Variants in LAMP3 observed in about 807,000 individuals in gnomAD.
The protein encoded by LAMP3 is lysosome associated membrane protein 3.
LAMP3 carries 26 observed loss-of-function variants against 34.8 expected under a neutral mutation model. The ratio of observed to expected loss-of-function variants is 0.75; its 90% CI spans 0.55 to 1.04. The LOEUF is 1.04. Ranked by LOEUF, LAMP3 falls within the 50% of genes least tolerant of loss-of-function variation. LAMP3 has a pLI of 0.00. For synonymous variants in LAMP3, 180 were observed against 201.9 expected (o/e 0.89, Z 0.92); for missense variants, 495 against 524.0 (o/e 0.94, Z 0.54).
rs532943707 is a variant in LAMP3, at chr3:183,156,307, G to A, written c.50-1916C>T. 2.6e-5 allele frequency among the ~76,000 whole-genome samples: 4 copies of A among 152,318 alleles called. No homozygotes were observed. In the South Asian group the frequency reaches 8.3e-4, roughly 32 times the overall value. On this transcript the variant is annotated intron_variant, in intron 1 of 5. Transcript: ENST00000265598. ...ACCCGGGAGGCTGAGGTTGCAGTGAGTTGAGATCATGCCATTGCACTCTAG... is the reference window on the plus strand; with the variant it reads ...ACCCGGGAGGCTGAGGTTGCAGTGAATTGAGATCATGCCATTGCACTCTAG...
chr3:183,135,053 G>T (rs768512735), intron 5 of LAMP3, among the ~76,000 whole-genome samples: 2 of 152,214 alleles, frequency 1.3e-5, no homozygotes, highest in Non-Finnish European at 1.5e-5. Flanking sequence ...TTTCTGGAAA[G>T]TCACCCTGGT....
Position 183,162,645 on chromosome 3 carries a change from T to TGCC in LAMP3, c.8_10dup (p.Arg3dup). The stretch of plus-strand genomic sequence containing the variant: ...GAAGAGCGCGGCCGCCGCGCTGAGC[T>TGCC]GCCGGGGCATGGTGGGCGCTGGGCG... On this transcript the variant is annotated inframe_insertion, in exon 1 of 6. Transcript: ENST00000265598. 6.5e-7 allele frequency: 1 copy of TGCC among 1,541,654 alleles called. No individual in the cohort carries two copies.
chr3:183,147,063 G>A (rs1720467159), intron 3 of LAMP3, among the ~76,000 whole-genome samples: 1 of 151,868 alleles, frequency 6.6e-6, no homozygotes, highest in African/African-American at 2.4e-5. Flanking sequence ...CTAACATGGT[G>A]AAACCCCATC....
Position 183,158,805 on chromosome 3 carries a change from G to A in LAMP3, c.49+3802C>T, listed in dbSNP as rs1216021664. ...CAGGCAGGCTCTGTACCAGGCACTG[G>A]GGGTAGGTCTTTGTTCTCAGGGGCC... On this transcript the variant is annotated intron_variant, in intron 1 of 5. Transcript: ENST00000265598. Among the ~76,000 whole-genome samples the A allele has an allele frequency of 2.0e-5, 3 of 152,098 alleles. No homozygotes were observed. The East Asian group carries it at 5.8e-4, about 29-fold the overall frequency.
At chr3:183,139,167 A>C (rs1294806468) in intron 4 of LAMP3, among the ~76,000 whole-genome samples, 1 of 152,144 alleles carries the variant, frequency 6.6e-6, no homozygotes, top group Non-Finnish European at 1.5e-5. Flanking sequence ...AGGTGCGTGG[A>C]TCACTTGAGG....
At chr3:183,161,406 T>A (rs74825137) in intron 1 of LAMP3, among the ~76,000 whole-genome samples, 3 of 152,080 alleles carry the variant, frequency 2.0e-5, no homozygotes, top group Non-Finnish European at 2.9e-5. Flanking sequence ...TTATTTATTT[T>A]TTTTGAGACA....
chr3:183,147,774 G>A (rs1390962876), intron 3 of LAMP3, among the ~76,000 whole-genome samples: 1 of 152,104 alleles, frequency 6.6e-6, no homozygotes, highest in East Asian at 1.9e-4. Flanking sequence ...GAGTGCAACG[G>A]CACAATCATA....
intron 3 of LAMP3, among the ~76,000 whole-genome samples, chr3:183,150,178 G>T (rs921192010): frequency 1.3e-5 from 2 of 152,140 alleles, no homozygotes; most frequent in African/African-American, 4.8e-5. Flanking sequence ...GCTCTTTCTG[G>T]ACACTCATTT....
In LAMP3 at chr3:183,129,320, C is replaced by A. The variant is rs189761974; in HGVS notation, c.1118-5106G>T. ...TTTTTGGGACATGCTCTTTTAATCC[C>A]AACTTCAATTATTTATCTCAAGGAA... On this transcript the variant is annotated intron_variant, in intron 5 of 5. Coordinates refer to ENST00000265598, the MANE Select transcript of LAMP3 (RefSeq NM_014398.4). Among the ~76,000 whole-genome samples the A allele has an allele frequency of 3.5e-3, 539 of 152,164 alleles. 2 individuals carry two copies. The highest frequency in any genetic ancestry group is 0.012 in the African/African-American group (509 of 41,498).
chr3:183,145,369 C>G (rs879640505), intron 3 of LAMP3, among the ~76,000 whole-genome samples: 4 of 152,212 alleles, frequency 2.6e-5, no homozygotes, highest in Non-Finnish European at 2.9e-5. Context: ...TCAGCACACT[C>G]TCATGGCAGC....
chr3:183,156,965 G>A lies in LAMP3; in HGVS notation c.50-2574C>T, dbSNP rs189722487. ...AAAGCAGAGGAGAGAGGAACAGGAG[G>A]GTGCCCTCCAGTGACCCCAATTCAT... On this transcript the variant is annotated intron_variant, in intron 1 of 5. Coordinates refer to ENST00000265598, the MANE Select transcript of LAMP3 (RefSeq NM_014398.4). Among the ~76,000 whole-genome samples, 171 of 152,170 alleles carry A rather than the reference G, an allele frequency of 1.1e-3. 1 individual carries two copies. Among genetic ancestry groups the A allele is most frequent in the African/African-American group, 3.3e-3 (138 of 41,522 alleles).
chr3:183,143,141 C>T (rs1418226631), intron 3 of LAMP3, among the ~76,000 whole-genome samples: 5 of 152,074 alleles, frequency 3.3e-5, no homozygotes, highest in Admixed American at 3.3e-4. Flanking sequence ...TGGGGTCTCC[C>T]TCTGTCGCCC....
At chr3:183,129,827 G>C (rs1016923615) in intron 5 of LAMP3, among the ~76,000 whole-genome samples, 2 of 152,082 alleles carry the variant, frequency 1.3e-5, no homozygotes, top group African/African-American at 4.8e-5. Context: ...CTAACTTCCA[G>C]GACCACAGAA....
At chr3:183,149,268 A>G (rs1408166781) in intron 3 of LAMP3, among the ~76,000 whole-genome samples, 2 of 151,942 alleles carry the variant, frequency 1.3e-5, no homozygotes, top group Non-Finnish European at 2.9e-5. Context: ...TGGGCTGGGC[A>G]CGGTGGCTCA....
intron 3 of LAMP3, among the ~76,000 whole-genome samples, chr3:183,142,999 ACT>A (rs1720332486): frequency 6.6e-6 from 1 of 152,006 alleles, no homozygotes; most frequent in African/African-American, 2.4e-5. Flanking sequence ...GCTCACATTC[ACT>A]CTGAGTTCAT....
chr3:183,161,757 G>C (rs1213858702), intron 1 of LAMP3, among the ~76,000 whole-genome samples: 1 of 152,166 alleles, frequency 6.6e-6, no homozygotes, highest in Non-Finnish European at 1.5e-5. Flanking sequence ...GTCACTGTGG[G>C]TTACCGCTAG....
intron 5 of LAMP3, among the ~76,000 whole-genome samples, chr3:183,129,308 C>T (rs1236020453): frequency 6.6e-6 from 1 of 152,152 alleles, no homozygotes; most frequent in Non-Finnish European, 1.5e-5. Context: ...TTGGGACATG[C>T]TCTTTTAATC....
chr3:183,132,112 A>G, intron 5 of LAMP3: 1 of 985,450 alleles, frequency 1.0e-6, no homozygotes. Flanking sequence ...CCCGGAAAAA[A>G]GTAGCTAAGA....
chr3:183,154,430 G>T (rs148327568), intron 1 of LAMP3, 39 bp from the exon 2 acceptor site: 3 of 1,455,886 alleles, frequency 2.1e-6, no homozygotes, highest in Middle Eastern at 1.9e-4. Flanking sequence ...AACACTAACC[G>T]ATTGCTTACA....
Sources: allele counts gnomAD v4.1 joint callset (sites outside exome capture counted in the v4.1 genomes callset), GRCh38; gene constraint gnomAD v4.1.1; transcripts MANE v1.5; gene names NCBI Gene and HGNC (gene_info 2026-07-23, HGNC 2026-07-21).